The following NTNG1 variants were observed in gnomAD, a reference collection of about 807,000 sequenced individuals.
The protein encoded by NTNG1 is netrin-G1.
Under a neutral mutation model 54.0 loss-of-function variants are expected in NTNG1, and 16 were observed. That is an observed-to-expected ratio of 0.30 (90% CI 0.20 to 0.45). The LOEUF (loss-of-function observed/expected upper bound fraction) is 0.45. Ranked by LOEUF, NTNG1 falls within the 20% of genes least tolerant of loss-of-function variation. The probability of loss-of-function intolerance (pLI) is 1.00; values close to 1 mark genes in which losing one functional copy is unlikely to be tolerated. For missense variants in NTNG1, 530 were observed against 678.7 expected (o/e 0.78, Z 2.43); for synonymous variants, 255 against 263.1 (o/e 0.97, Z 0.30).
At chr1:107,234,746 T>C (rs774775975) in intron 2 of NTNG1, among the ~76,000 whole-genome samples, 9 of 152,194 alleles carry the variant, frequency 5.9e-5, no homozygotes, top group African/African-American at 1.9e-4. Flanking sequence ...GGAGAAAGCA[T>C]TGATAGTCGG....
chr1:107,212,672 G>A (rs1011485429), intron 2 of NTNG1, among the ~76,000 whole-genome samples: 3 of 152,058 alleles, frequency 2.0e-5, no homozygotes, highest in South Asian at 2.1e-4. Flanking sequence ...GACATAGCCC[G>A]AACAATCTGC....
intron 2 of NTNG1, among the ~76,000 whole-genome samples, chr1:107,185,716 A>T (rs781635123): frequency 2.6e-5 from 4 of 152,098 alleles, no homozygotes; most frequent in Non-Finnish European, 5.9e-5. Flanking sequence ...TAAAACAGCC[A>T]CAATCATACT....
chr1:107,449,685 T>C (rs1231315305), intron 7 of NTNG1, among the ~76,000 whole-genome samples: 1 of 150,440 alleles, frequency 6.6e-6, no homozygotes, highest in Non-Finnish European at 1.5e-5. Context: ...GCTTTTTTCC[T>C]CAAAAATCAA....
chr1:107,361,789 G>A (rs1670317287), intron 3 of NTNG1, among the ~76,000 whole-genome samples: 1 of 152,092 alleles, frequency 6.6e-6, no homozygotes, highest in Non-Finnish European at 1.5e-5. Context: ...TGGAAGAAAT[G>A]ATAAACTAGT....
intron 2 of NTNG1, among the ~76,000 whole-genome samples, chr1:107,262,825 T>A (rs1663445262): frequency 6.6e-6 from 1 of 152,242 alleles, no homozygotes; most frequent in African/African-American, 2.4e-5. Context: ...TTATTCATAA[T>A]CTGTTGGTTA....
At chr1:107,453,918 A>C (rs920503502) in intron 7 of NTNG1, among the ~76,000 whole-genome samples, 1 of 152,168 alleles carries the variant, frequency 6.6e-6, no homozygotes, top group Non-Finnish European at 1.5e-5. Flanking sequence ...AACAACTAGT[A>C]GCTGATAGAG....
intron 5 of NTNG1, among the ~76,000 whole-genome samples, chr1:107,419,091 A>G (rs920650931): frequency 6.6e-6 from 1 of 151,870 alleles, no homozygotes; most frequent in South Asian, 2.1e-4. Context: ...TTCGCTGACT[A>G]TTGCTCCATA....
chr1:107,294,008 G>A (rs1665787820), intron 2 of NTNG1, among the ~76,000 whole-genome samples: 1 of 152,172 alleles, frequency 6.6e-6, no homozygotes, highest in African/African-American at 2.4e-5. Flanking sequence ...AAAAGAAAGA[G>A]TAAATCAGAC....
At chr1:107,416,072 G>A (rs1674177598) in intron 5 of NTNG1, among the ~76,000 whole-genome samples, 1 of 152,058 alleles carries the variant, frequency 6.6e-6, no homozygotes, top group Non-Finnish European at 1.5e-5. Flanking sequence ...GTCTCGTGAT[G>A]GCCAAATGTT....
chr1:107,141,780 G>A (rs1306386687), intron 1 of NTNG1, among the ~76,000 whole-genome samples: 1 of 151,650 alleles, frequency 6.6e-6, no homozygotes, highest in Non-Finnish European at 1.5e-5. Context: ...GACTGACAGG[G>A]GCCCCGCGCT....
chr1:107,395,387 A>C (rs1306778187), intron 4 of NTNG1, 61 bp downstream of exon 4: 1 of 1,450,900 alleles, frequency 6.9e-7, no homozygotes, highest in African/African-American at 1.4e-5. Context: ...GTTCCTCTCA[A>C]TTTTGCTTAC....
chr1:107,411,140 T>C (rs561327016), intron 5 of NTNG1, among the ~76,000 whole-genome samples: 1 of 152,320 alleles, frequency 6.6e-6, no homozygotes, highest in African/African-American at 2.4e-5. Context: ...CATGATGTTA[T>C]ATGAAGCATA....
At chr1:107,248,806 A>G (rs1662370792) in intron 2 of NTNG1, among the ~76,000 whole-genome samples, 1 of 152,030 alleles carries the variant, frequency 6.6e-6, no homozygotes, top group Admixed American at 6.6e-5. Context: ...ATAAATCCTT[A>G]AGAATGTTGG....
At chr1:107,246,660 CG>C (rs1264642759) in intron 2 of NTNG1, among the ~76,000 whole-genome samples, 3 of 151,724 alleles carry the variant, frequency 2.0e-5, no homozygotes, top group African/African-American at 7.3e-5. Flanking sequence ...TTTTTTATTG[CG>C]GTAGCTACTA....
intron 5 of NTNG1, among the ~76,000 whole-genome samples, chr1:107,425,389 T>A (rs768766736): frequency 3.9e-4 from 59 of 152,090 alleles, no homozygotes; most frequent in Non-Finnish European, 4.4e-5. Flanking sequence ...TATGTCCGTA[T>A]GTACCCTTTA....
intron 3 of NTNG1, among the ~76,000 whole-genome samples, chr1:107,374,041 G>T (rs925148886): frequency 6.6e-6 from 1 of 152,092 alleles, no homozygotes; most frequent in Non-Finnish European, 1.5e-5. Flanking sequence ...TGGGTAGAGA[G>T]TCCTAGATTG....
At chr1:107,235,642 C>A (rs1661355908) in intron 2 of NTNG1, among the ~76,000 whole-genome samples, 1 of 152,128 alleles carries the variant, frequency 6.6e-6, no homozygotes, top group Non-Finnish European at 1.5e-5. Flanking sequence ...ATAACAAAGG[C>A]TTTAACTCCA....
intron 3 of NTNG1, among the ~76,000 whole-genome samples, chr1:107,340,588 AC>A (rs1185216627): frequency 6.6e-6 from 1 of 152,122 alleles, no homozygotes; most frequent in East Asian, 1.9e-4. Context: ...TTTTCTACCA[AC>A]AAAAACATAT....
intron 2 of NTNG1, among the ~76,000 whole-genome samples, chr1:107,210,722 T>C (rs1659542615): frequency 6.6e-6 from 1 of 152,204 alleles, no homozygotes; most frequent in South Asian, 2.1e-4. Context: ...CCAAGGAATC[T>C]ACACAAAGAT....
Sources: allele counts gnomAD v4.1 joint callset (sites outside exome capture counted in the v4.1 genomes callset), GRCh38; gene constraint gnomAD v4.1.1; transcripts MANE v1.5; gene names NCBI Gene and HGNC (gene_info 2026-07-23, HGNC 2026-07-21).